The following CASR variants were observed in gnomAD, a reference collection of about 807,000 sequenced individuals.
CASR encodes calcium sensing receptor.
A neutral mutation model predicts 69.1 loss-of-function variants in CASR; 23 were observed. The observed-to-expected ratio is 0.33, with a 90% CI of 0.24 to 0.47. The LOEUF is 0.47. Among genes scored for constraint, CASR ranks in the 20% least tolerant of loss-of-function variants. CASR has a pLI of 1.00. For synonymous variants in CASR, 541 were observed against 544.7 expected (o/e 0.99, Z 0.10); for missense variants, 924 against 1,356.1 (o/e 0.68, Z 5.00).
intron 4 of CASR, among the ~76,000 whole-genome samples, chr3:122,270,273 G>T (rs564811975): frequency 1.7e-4 from 26 of 152,228 alleles, no homozygotes; most frequent in African/African-American, 5.5e-4. Context: ...AAATTTACTG[G>T]CATAAGTTTA....
At chr3:122,227,811 A>G (rs1000079803) in intron 1 of CASR, among the ~76,000 whole-genome samples, 1 of 152,230 alleles carries the variant, frequency 6.6e-6, no homozygotes, top group Non-Finnish European at 1.5e-5. Flanking sequence ...GATCATTCAT[A>G]CACCAAACCT....
intron 1 of CASR, among the ~76,000 whole-genome samples, chr3:122,245,679 C>A (rs916065683): frequency 6.6e-6 from 1 of 151,892 alleles, no homozygotes; most frequent in Non-Finnish European, 1.5e-5. Context: ...ATACAGGAAC[C>A]CACCGGTAGG....
chr3:122,277,713 G>A (rs941257822), intron 5 of CASR, among the ~76,000 whole-genome samples: 6 of 152,122 alleles, frequency 3.9e-5, no homozygotes, highest in African/African-American at 1.4e-4. Context: ...TACCCCTGTT[G>A]GATCATCCAG....
intron 1 of CASR, among the ~76,000 whole-genome samples, chr3:122,245,698 G>A (rs998880222): frequency 6.6e-6 from 1 of 152,046 alleles, no homozygotes; most frequent in African/African-American, 2.4e-5. Flanking sequence ...GGTTACTATG[G>A]GTGTTTTTTG....
At chr3:122,218,889 G>A (rs2074144316) in intron 1 of CASR, among the ~76,000 whole-genome samples, 2 of 152,186 alleles carry the variant, frequency 1.3e-5, no homozygotes, top group South Asian at 4.1e-4. Flanking sequence ...ACATGTCAGA[G>A]AGAGTAACTC....
intron 1 of CASR, among the ~76,000 whole-genome samples, chr3:122,236,353 G>T (rs1470835927): frequency 6.6e-6 from 1 of 152,164 alleles, no homozygotes; most frequent in Non-Finnish European, 1.5e-5. Context: ...TTCTTTAAAT[G>T]CTGGTTCATG....
intron 1 of CASR, among the ~76,000 whole-genome samples, chr3:122,248,608 ATTTT>A (rs539049283): frequency 7.1e-6 from 1 of 141,698 alleles, no homozygotes. Context: ...GCAACCTAGA[ATTTT>A]TTTTTTTTTT....
chr3:122,185,758 G>T (rs1057471641), intron 1 of CASR, among the ~76,000 whole-genome samples: 3 of 152,142 alleles, frequency 2.0e-5, no homozygotes, highest in African/African-American at 7.2e-5. Context: ...CTGGGAGAGC[G>T]GGTGCTTTAT....
intron 1 of CASR, among the ~76,000 whole-genome samples, chr3:122,229,084 A>C (rs1376974519): frequency 1.3e-5 from 2 of 152,258 alleles, no homozygotes; most frequent in Admixed American, 1.3e-4. Context: ...AAGTCACTTC[A>C]AGATGGAAAA....
At position 122,284,304 on chromosome 3, in the gene CASR, G is replaced by A; in HGVS notation, c.2350G>A (p.Ala784Thr). ...CCTGATCGGCTACACCTGCCTGCTG[G>A]CTGCCATCTGCTTCTTCTTTGCCTT... ...GFLIGYTCLL[A>T]AICFFFAFKS... Residue 784 changes from alanine to threonine, a missense_variant, in exon 7 of 7, where the codon GCT becomes ACT. Ala to Thr is a moderately conservative substitution (Grantham distance 58, BLOSUM62 0). This residue lies in a region of CASR where 184 missense variants were observed against 278.8 expected (regional missense o/e 0.66). Coordinates refer to ENST00000639785, the MANE Select transcript of CASR (RefSeq NM_000388.4). The A allele has an allele frequency of 6.2e-7, 1 of 1,614,078 alleles. No homozygotes were observed. Among genetic ancestry groups the A allele is most frequent in the East Asian group, 2.2e-5 (1 of 44,870 alleles).
chr3:122,237,108 T>G (rs2074335650), intron 1 of CASR, among the ~76,000 whole-genome samples: 1 of 124,988 alleles, frequency 8.0e-6, no homozygotes, highest in Non-Finnish European at 1.6e-5. Context: ...TAACAGTACT[T>G]ATGCTTTTTT....
At chr3:122,222,137 T>C (rs2074177635) in intron 1 of CASR, among the ~76,000 whole-genome samples, 1 of 152,196 alleles carries the variant, frequency 6.6e-6, no homozygotes, top group South Asian at 2.1e-4. Flanking sequence ...TTTAGTAGAT[T>C]CTACAAAACA....
chr3:122,256,041 G>C (rs570999641), intron 2 of CASR, among the ~76,000 whole-genome samples: 2 of 152,276 alleles, frequency 1.3e-5, no homozygotes, highest in East Asian at 3.9e-4. Context: ...TAACTTGTTT[G>C]ATTTTTATTT....
intron 4 of CASR, among the ~76,000 whole-genome samples, chr3:122,263,562 A>C (rs1384502499): frequency 1.3e-5 from 2 of 152,222 alleles, no homozygotes; most frequent in Non-Finnish European, 2.9e-5. Flanking sequence ...CAACCACCAC[A>C]AACCCTTTGG....
rs201990892 is a variant in CASR at position 122,284,967 on chromosome 3, G to A, written c.3013G>A (p.Asp1005Asn). The A allele has an allele frequency of 1.2e-4, 196 of 1,614,060 alleles. No homozygotes were observed. The highest frequency in any genetic ancestry group is 1.6e-4 in the Non-Finnish European group (186 of 1,180,044). ...QNSLEAQKSS[D>N]TLTRHEPLLP... Reference sequence around the variant, plus strand: ...CTCCCTGGAGGCCCAGAAAAGCAGCGATACGCTGACCCGACACGAGCCATT... The same window carrying A: ...CTCCCTGGAGGCCCAGAAAAGCAGCAATACGCTGACCCGACACGAGCCATT... The change falls in exon 7 of 7, where the codon GAT becomes AAT. Residue 1005 changes from aspartate to asparagine, a missense_variant. Transcript: ENST00000639785.
At chr3:122,217,912 A>C (rs531072955) in intron 1 of CASR, among the ~76,000 whole-genome samples, 1 of 152,238 alleles carries the variant, frequency 6.6e-6, no homozygotes, top group East Asian at 1.9e-4. Flanking sequence ...TGGCATAGGC[A>C]TAGTCACATC....
chr3:122,227,254 G>A (rs1027906258), intron 1 of CASR, among the ~76,000 whole-genome samples: 1 of 152,240 alleles, frequency 6.6e-6, no homozygotes, highest in Non-Finnish European at 1.5e-5. Flanking sequence ...TGGGCTCCAT[G>A]GAGCAGGGGG....
intron 1 of CASR, among the ~76,000 whole-genome samples, chr3:122,238,088 G>T (rs954347815): frequency 4.6e-5 from 7 of 152,180 alleles, no homozygotes; most frequent in African/African-American, 1.7e-4. Context: ...ATCAAAAGAA[G>T]TAAAAATCAG....
In CASR at chr3:122,282,146, G is replaced by A. The variant is rs200647941; in HGVS notation, c.1642G>A (p.Ala548Thr). 6 of 1,614,218 alleles carry A rather than the reference G, an allele frequency of 3.7e-6. No homozygotes were observed. In the South Asian group the frequency reaches 4.4e-5, roughly 12 times the overall value. Residue 548 changes from alanine to threonine, a missense_variant, in exon 6 of 7, where the codon GCA becomes ACA. Around this residue, in one of 8 missense-constraint regions of CASR, gnomAD observed 310 missense variants for 395.7 expected, o/e 0.78. Coordinates refer to ENST00000639785, the MANE Select transcript of CASR (RefSeq NM_000388.4). ...CTCCAACTGCAGCCGAGACTGCCTG[G>A]CAGGGACCAGGAAAGGGATCATTGA... ...PFSNCSRDCL[A>T]GTRKGIIEGE...
Sources: allele counts gnomAD v4.1 joint callset (sites outside exome capture counted in the v4.1 genomes callset), GRCh38; gene constraint gnomAD v4.1.1; regional missense constraint gnomAD v4.1.1; transcripts MANE v1.5; gene names NCBI Gene and HGNC (gene_info 2026-07-23, HGNC 2026-07-21).